The following MECOM variants were observed in gnomAD, a reference collection of about 807,000 sequenced individuals.
The protein encoded by MECOM is histone-lysine N-methyltransferase MECOM.
Under a neutral mutation model 116.3 loss-of-function variants are expected in MECOM, and 13 were observed. That is an observed-to-expected ratio of 0.11 (90% CI 0.07 to 0.18). MECOM has a LOEUF of 0.18. MECOM is among the 10% of genes least tolerant of loss of function. The pLI is 1.00. For missense variants in MECOM, 1,299 were observed against 1,509.0 expected (o/e 0.86, Z 2.31); for synonymous variants, 528 against 535.2 (o/e 0.99, Z 0.19).
rs568806891 is a variant in MECOM, at chr3:169,121,805, A to T, written c.979-596T>A. On this transcript the variant is annotated intron_variant, in intron 6 of 16. Coordinates refer to ENST00000651503, the MANE Select transcript of MECOM (RefSeq NM_004991.4). ...ATTTTTTAATTTTTATGAGAAAAAAACATACAAAATTTTAATGTGCATAGA... is the reference window on the plus strand; with the variant it reads ...ATTTTTTAATTTTTATGAGAAAAAATCATACAAAATTTTAATGTGCATAGA... 2.2e-3 allele frequency among the ~76,000 whole-genome samples: 328 copies of T among 152,322 alleles called. 1 individual carries two copies. The highest frequency in any genetic ancestry group is 0.016 in the South Asian group (77 of 4,828).
intron 1 of MECOM, among the ~76,000 whole-genome samples, chr3:169,453,504 T>A (rs1480244405): frequency 6.6e-6 from 1 of 152,196 alleles, no homozygotes; most frequent in Non-Finnish European, 1.5e-5. Context: ...TTAGGGACAT[T>A]TTTTTCTTTC....
intron 1 of MECOM, among the ~76,000 whole-genome samples, chr3:169,550,107 T>C (rs529047365): frequency 6.6e-6 from 1 of 152,222 alleles, no homozygotes; most frequent in East Asian, 1.9e-4. Context: ...GGGAAGGAAT[T>C]AGGGTAAAGG....
intron 2 of MECOM, among the ~76,000 whole-genome samples, chr3:169,322,220 C>T (rs998828600): frequency 5.3e-5 from 8 of 152,072 alleles, no homozygotes; most frequent in African/African-American, 9.7e-5. Flanking sequence ...TCTAACCCCA[C>T]GATGTTATCT....
intron 1 of MECOM, among the ~76,000 whole-genome samples, chr3:169,595,285 C>T (rs1271602907): frequency 6.6e-6 from 1 of 152,134 alleles, no homozygotes; most frequent in African/African-American, 2.4e-5. Context: ...GTAGAAAATT[C>T]ATCTCTAAAA....
chr3:169,604,493 T>G (rs1464778332), intron 1 of MECOM, among the ~76,000 whole-genome samples: 3 of 152,232 alleles, frequency 2.0e-5, no homozygotes, highest in Admixed American at 2.0e-4. Context: ...TTTGTACCCC[T>G]GAGCCCTGTG....
chr3:169,435,819 C>T (rs1212213890), intron 1 of MECOM, among the ~76,000 whole-genome samples: 1 of 152,100 alleles, frequency 6.6e-6, no homozygotes, highest in Non-Finnish European at 1.5e-5. Context: ...CCACATAAAT[C>T]AGTATAAAAA....
intron 2 of MECOM, among the ~76,000 whole-genome samples, chr3:169,303,034 C>T (rs1042248984): frequency 6.6e-6 from 1 of 152,128 alleles, no homozygotes; most frequent in Non-Finnish European, 1.5e-5. Context: ...GACATATACT[C>T]AACTACTCTT....
At chr3:169,511,498 A>T (rs760872502) in intron 1 of MECOM, among the ~76,000 whole-genome samples, 23 of 152,332 alleles carry the variant, frequency 1.5e-4, no homozygotes, top group South Asian at 2.1e-4. Flanking sequence ...GCAGTGGCTC[A>T]TGCCTGTAGT....
intron 1 of MECOM, among the ~76,000 whole-genome samples, chr3:169,395,699 A>G (rs1224901225): frequency 1.3e-5 from 2 of 152,228 alleles, no homozygotes; most frequent in Admixed American, 6.5e-5. Context: ...TTTTCTCAAG[A>G]CTTTTACTAA....
chr3:169,609,455 TCA>T (rs1195282908), intron 1 of MECOM, among the ~76,000 whole-genome samples: 1 of 97,438 alleles, frequency 1.0e-5, no homozygotes, highest in East Asian at 3.0e-4. Flanking sequence ...TTTCAGTTAA[TCA>T]TTTTTTTTTT....
intron 1 of MECOM, among the ~76,000 whole-genome samples, chr3:169,571,574 C>T (rs1420207619): frequency 6.6e-6 from 1 of 152,180 alleles, no homozygotes; most frequent in African/African-American, 2.4e-5. Flanking sequence ...AGGCATCACG[C>T]TACCTGACTT....
At chr3:169,174,385 A>C (rs1744855116) in intron 2 of MECOM, among the ~76,000 whole-genome samples, 1 of 152,198 alleles carries the variant, frequency 6.6e-6, no homozygotes, top group South Asian at 2.1e-4. Flanking sequence ...AATGGACAAG[A>C]ATGAATGCAT....
At chr3:169,650,749 C>A (rs1774793719) in intron 1 of MECOM, among the ~76,000 whole-genome samples, 1 of 152,036 alleles carries the variant, frequency 6.6e-6, no homozygotes, top group South Asian at 2.1e-4. Context: ...TCACCCTGAA[C>A]TGTGAGCTTC....
chr3:169,378,466 CAAGCAAGCAAGA>C (rs1258279962), intron 2 of MECOM, among the ~76,000 whole-genome samples: 3 of 44,862 alleles, frequency 6.7e-5, no homozygotes, highest in African/African-American at 2.6e-4. Flanking sequence ...AGCAAGCAAG[CAAGCAAGCAAGA>C]AAGAGAGAGA....
chr3:169,093,157 A>C (rs576425752), intron 13 of MECOM, 55 bp from the exon 14 acceptor site: 13 of 1,516,980 alleles, frequency 8.6e-6, no homozygotes, highest in Non-Finnish European at 1.1e-5. Flanking sequence ...CTAGCAACTT[A>C]TTTGGAAACT....
chr3:169,646,204 C>T lies in MECOM; in HGVS notation c.37+17132G>A, dbSNP rs1029866165. Among the ~76,000 whole-genome samples the T allele has an allele frequency of 4.0e-5, 6 of 151,246 alleles. No homozygotes were observed. In the South Asian group the frequency reaches 1.3e-3, roughly 32 times the overall value. On this transcript the variant is annotated intron_variant, in intron 1 of 16. Transcript: ENST00000651503. ...TGTGAATAGTGCCGCAATAAACATA[C>T]GTGTGCATGTGCCAAACACCGCATG...
chr3:169,311,889 T>C (rs924568284), intron 2 of MECOM, among the ~76,000 whole-genome samples: 24 of 152,188 alleles, frequency 1.6e-4, no homozygotes, highest in African/African-American at 5.5e-4. Flanking sequence ...TGGTTTAAGA[T>C]GCAATGTTCA....
chr3:169,487,445 T>A (rs1752528058), intron 1 of MECOM, among the ~76,000 whole-genome samples: 1 of 151,936 alleles, frequency 6.6e-6, no homozygotes, highest in South Asian at 2.1e-4. Context: ...AGAAAGAGGG[T>A]AGATATTACT....
chr3:169,532,324 C>T (rs914127418), intron 1 of MECOM, among the ~76,000 whole-genome samples: 8 of 152,136 alleles, frequency 5.3e-5, no homozygotes, highest in Admixed American at 5.2e-4. Flanking sequence ...CACTCTCAAG[C>T]CAGACAAAGG....
Sources: gnomAD v4.1 joint callset for allele counts (sites outside exome capture counted in the v4.1 genomes callset) on GRCh38, gnomAD v4.1.1 for gene constraint, MANE v1.5 for transcripts, NCBI Gene and HGNC (gene_info 2026-07-23, HGNC 2026-07-21) for gene names.